The following PDE12 variants were observed in gnomAD, a reference collection of about 807,000 sequenced individuals.
The protein encoded by PDE12 is phosphodiesterase 12, also known as 2',5'-phosphodiesterase 12.
A neutral mutation model predicts 45.4 loss-of-function variants in PDE12; 26 were observed. The ratio of observed to expected loss-of-function variants is 0.57; its 90% CI spans 0.42 to 0.79. PDE12 has a LOEUF of 0.79. Among genes scored for constraint, PDE12 ranks in the 30% least tolerant of loss-of-function variants. The pLI is 0.00. For missense variants in PDE12, 668 were observed against 790.0 expected (o/e 0.85, Z 1.85); for synonymous variants, 283 against 323.9 (o/e 0.87, Z 1.36).
At chr3:57,578,898 G>A in the PDE12 span, among the ~76,000 whole-genome samples, 1 of 150,310 alleles carries the variant, frequency 6.7e-6, no homozygotes, top group Non-Finnish European at 1.5e-5. Context: ...AAAGGGGGGG[G>A]GCAAAAATAA....
the PDE12 span, among the ~76,000 whole-genome samples, chr3:57,600,332 TTTC>T: frequency 5.9e-5 from 9 of 151,274 alleles, no homozygotes; most frequent in Non-Finnish European, 1.3e-4. Context: ...GCCAAATTCT[TTTC>T]TTTTCTCTTT....
chr3:57,654,682 G>C, the PDE12 span: 1 of 984,984 alleles, frequency 1.0e-6, no homozygotes, highest in African/African-American at 1.7e-5. Context: ...CTATTTCTGT[G>C]ATCAAGAAAG....
chr3:57,569,338 C>G (rs2069813339), downstream of PDE12, among the ~76,000 whole-genome samples: 2 of 151,988 alleles, frequency 1.3e-5, no homozygotes, highest in Non-Finnish European at 2.9e-5. Flanking sequence ...GTAAATGTGT[C>G]AAGTTGCTAA....
At chr3:57,594,085 G>A in the PDE12 span, among the ~76,000 whole-genome samples, 9 of 151,974 alleles carry the variant, frequency 5.9e-5, no homozygotes, top group African/African-American at 1.2e-4. Context: ...GTGAAACCCC[G>A]TCTCTACTAA....
chr3:57,573,824 C>T, the PDE12 span, among the ~76,000 whole-genome samples: 11 of 152,318 alleles, frequency 7.2e-5, no homozygotes, highest in Admixed American at 2.0e-4. Flanking sequence ...TCAAGTGATC[C>T]GCCCACCTTC....
the PDE12 span, among the ~76,000 whole-genome samples, chr3:57,606,382 A>G: frequency 2.0e-5 from 3 of 152,188 alleles, no homozygotes; most frequent in Non-Finnish European, 4.4e-5. Flanking sequence ...ATGTCCAGCA[A>G]AAATATCTTA....
the PDE12 span, among the ~76,000 whole-genome samples, chr3:57,624,009 G>C: frequency 4.0e-3 from 606 of 152,146 alleles, 2 homozygotes; most frequent in Middle Eastern, 6.8e-3. Context: ...TTCTTTTATA[G>C]ACAGGGTCTC....
the PDE12 span, among the ~76,000 whole-genome samples, chr3:57,638,518 T>C: frequency 6.6e-6 from 1 of 151,634 alleles, no homozygotes; most frequent in Admixed American, 6.6e-5. Context: ...ATTAGCTGGG[T>C]GTGGTGGTGC....
the PDE12 span, among the ~76,000 whole-genome samples, chr3:57,655,580 C>G: frequency 2.0e-5 from 3 of 152,068 alleles, no homozygotes; most frequent in East Asian, 5.8e-4. Context: ...AAGTCAAAGT[C>G]AAAATGCAAT....
the PDE12 span, among the ~76,000 whole-genome samples, chr3:57,593,269 A>G: frequency 6.6e-6 from 1 of 152,178 alleles, no homozygotes; most frequent in African/African-American, 2.4e-5. Flanking sequence ...GGAATTACAG[A>G]TAGGTAATTA....
the PDE12 span, chr3:57,654,709 G>A: frequency 1.0e-6 from 1 of 984,976 alleles, no homozygotes; most frequent in South Asian, 4.7e-5. Context: ...CCAAAGGCGT[G>A]GTCCATGGAA....
chr3:57,583,426 G>C, the PDE12 span, among the ~76,000 whole-genome samples: 2 of 151,962 alleles, frequency 1.3e-5, no homozygotes, highest in Non-Finnish European at 2.9e-5. Context: ...TCTCTTCCAT[G>C]CCAGTATTAT....
rs148377473 is a variant in PDE12 at position 57,557,392 on chromosome 3, A to C, written c.1013A>C (p.Glu338Ala). The part of the protein sequence containing the change: ...LDYRQNLIQK[E>A]LTGYNADVIC... The stretch of plus-strand genomic sequence containing the variant: ...TACCGCCAGAACCTTATCCAGAAGG[A>C]ACTCACCGGCTACAACGCCGATGTC... The change falls in exon 1 of 3, where the codon GAA becomes GCA. Residue 338 changes from glutamate (E) to alanine (A), a missense_variant. Glu to Ala is a moderately radical substitution (Grantham distance 107). Coordinates refer to ENST00000311180, the MANE Select transcript of PDE12 (RefSeq NM_177966.7). 2 of 1,614,018 alleles carry C rather than the reference A, an allele frequency of 1.2e-6. No individual in the cohort carries two copies. The highest frequency in any genetic ancestry group is 3.3e-5 in the Admixed American group (2 of 59,988).
chr3:57,567,035 C>A (rs767374651), downstream of PDE12, among the ~76,000 whole-genome samples: 3 of 152,120 alleles, frequency 2.0e-5, no homozygotes, highest in Non-Finnish European at 4.4e-5. Flanking sequence ...TGTGGTCGGG[C>A]ACAGTGGCTC....
At chr3:57,558,355 A>T (rs930117940) in intron 1 of PDE12, among the ~76,000 whole-genome samples, 15 of 152,216 alleles carry the variant, frequency 9.9e-5, no homozygotes, top group African/African-American at 3.6e-4. Context: ...ACATTGCTAT[A>T]AATGGTGAAA....
the PDE12 span, among the ~76,000 whole-genome samples, chr3:57,653,455 TTAG>T: frequency 6.6e-6 from 1 of 152,096 alleles, no homozygotes; most frequent in Non-Finnish European, 1.5e-5. Flanking sequence ...CTAAAAAATA[TTAG>T]TAGTAGGCCG....
the PDE12 span, chr3:57,634,865 G>T: frequency 2.0e-6 from 2 of 1,004,664 alleles, no homozygotes; most frequent in Non-Finnish European, 2.8e-6. Context: ...TATTACTTAA[G>T]TATGTTATAA....
the PDE12 span, among the ~76,000 whole-genome samples, chr3:57,583,158 C>T: frequency 6.6e-6 from 1 of 152,128 alleles, no homozygotes; most frequent in African/African-American, 2.4e-5. Flanking sequence ...CAGCACAACC[C>T]GAGAACTTGC....
At chr3:57,636,936 CAAAAAA>C in the PDE12 span, among the ~76,000 whole-genome samples, 2 of 52,008 alleles carry the variant, frequency 3.8e-5, no homozygotes, top group African/African-American at 6.9e-5. Context: ...GACTCTGTCT[CAAAAAA>C]AAAAAAAAAA....
Sources: allele counts gnomAD v4.1 joint callset (sites outside exome capture counted in the v4.1 genomes callset), GRCh38; gene constraint gnomAD v4.1.1; transcripts MANE v1.5; gene names NCBI Gene and HGNC (gene_info 2026-07-23, HGNC 2026-07-21).